SOX6: variants seen among roughly 807,000 people sequenced by gnomAD.
SOX6 encodes transcription factor SOX-6.
In SOX6, 11 loss-of-function variants were observed where a neutral mutation model predicts 97.8. The observed-to-expected ratio is 0.11, with a 90% CI of 0.07 to 0.19. SOX6 has a LOEUF of 0.19. Among genes scored for constraint, SOX6 ranks in the 10% least tolerant of loss-of-function variants. The pLI, the probability that SOX6 is intolerant of heterozygous loss-of-function variation, is 1.00. For synonymous variants in SOX6, 360 were observed against 371.4 expected (o/e 0.97, Z 0.35); for missense variants, 810 against 1,039.5 (o/e 0.78, Z 3.04).
chr11:16,129,941 C>T (rs1252453925), intron 6 of SOX6, among the ~76,000 whole-genome samples: 1 of 151,922 alleles, frequency 6.6e-6, no homozygotes, highest in Non-Finnish European at 1.5e-5. Context: ...CAATATTGTA[C>T]TGGATTTCCT....
intron 3 of SOX6, among the ~76,000 whole-genome samples, chr11:16,653,136 C>T (rs897984652): frequency 2.6e-5 from 4 of 152,082 alleles, no homozygotes; most frequent in Admixed American, 2.6e-4. Flanking sequence ...GGCATGGATG[C>T]AGTGAAAAGG....
At position 16,234,679 on chromosome 11, in the gene SOX6, AATAC is replaced by A. The variant is rs547393117; in HGVS notation, c.446-12_446-9del. Reference sequence around the variant, plus strand: ...TTTCCATGCAGGAGGAATCTATTAAAATACAAAAGTAAGTATTAAAAATATATAT... The same window carrying A: ...TTTCCATGCAGGAGGAATCTATTAAAAAAAGTAAGTATTAAAAATATATAT... On this transcript the variant is annotated splice_polypyrimidine_tract_variant and intron_variant, in intron 3 of 15. Transcript: ENST00000683767. The A allele has an allele frequency of 2.8e-6, 4 of 1,449,852 alleles. No individual in the cohort carries two copies. In the South Asian group the frequency reaches 4.9e-5, roughly 18 times the overall value. 89.8% of individuals were successfully genotyped at this position (1,449,852 alleles called of 1,614,324 possible).
chr11:16,339,656 A>C (rs1314465908), intron 2 of SOX6, among the ~76,000 whole-genome samples: 42 of 152,010 alleles, frequency 2.8e-4, no homozygotes, highest in Non-Finnish European at 2.9e-5. Flanking sequence ...CCTCTCCCAG[A>C]CTATAAACTC....
intron 9 of SOX6, among the ~76,000 whole-genome samples, chr11:16,068,553 T>C (rs151120907): frequency 6.6e-6 from 1 of 152,180 alleles, no homozygotes; most frequent in South Asian, 2.1e-4. Context: ...GCATAGAAGG[T>C]ACTTGTTCAA....
chr11:16,498,733 A>G (rs1009149191), intron 4 of SOX6, among the ~76,000 whole-genome samples: 1 of 152,170 alleles, frequency 6.6e-6, no homozygotes, highest in East Asian at 1.9e-4. Flanking sequence ...TAATGGTAAA[A>G]GGATCAATTC....
At chr11:16,132,013 A>C (rs1849752175) in intron 6 of SOX6, among the ~76,000 whole-genome samples, 1 of 151,882 alleles carries the variant, frequency 6.6e-6, no homozygotes, top group African/African-American at 2.4e-5. Context: ...AAAATGGATG[A>C]ATTATTGTGT....
At chr11:16,702,830 A>AT (rs1848104757) in intron 3 of SOX6, among the ~76,000 whole-genome samples, 1 of 151,830 alleles carries the variant, frequency 6.6e-6, no homozygotes, top group Admixed American at 6.6e-5. Context: ...GGAAAGAAAA[A>AT]TCCTGAATAT....
intron 9 of SOX6, among the ~76,000 whole-genome samples, chr11:16,093,752 G>A (rs192283230): frequency 1.3e-5 from 2 of 151,886 alleles, no homozygotes; most frequent in Admixed American, 6.6e-5. Flanking sequence ...GCTTATCAAA[G>A]GAGGGGAGAA....
chr11:16,636,760 T>C (rs1848796595), intron 3 of SOX6, among the ~76,000 whole-genome samples: 1 of 152,164 alleles, frequency 6.6e-6, no homozygotes, highest in East Asian at 1.9e-4. Context: ...GTTCTCATGA[T>C]AGTGAATTCT....
chr11:16,233,557 G>A (rs1233599093), intron 4 of SOX6, among the ~76,000 whole-genome samples: 1 of 152,042 alleles, frequency 6.6e-6, no homozygotes, highest in Non-Finnish European at 1.5e-5. Flanking sequence ...TTATCAACAT[G>A]GGATCGTCTG....
At chr11:15,981,749 T>C (rs1217826787) in intron 15 of SOX6, among the ~76,000 whole-genome samples, 2 of 152,084 alleles carry the variant, frequency 1.3e-5, no homozygotes, top group African/African-American at 2.4e-5. Context: ...ATGCAAATGT[T>C]CAAATCACTT....
chr11:16,638,575 C>A (rs1034915897), intron 3 of SOX6, among the ~76,000 whole-genome samples: 5 of 152,308 alleles, frequency 3.3e-5, no homozygotes, highest in African/African-American at 9.6e-5. Context: ...TCCTCTCCAG[C>A]ACCTGTTGTT....
At chr11:16,248,956 C>A (rs940268601) in intron 3 of SOX6, among the ~76,000 whole-genome samples, 7 of 152,046 alleles carry the variant, frequency 4.6e-5, no homozygotes, top group Admixed American at 1.3e-4. Flanking sequence ...AGAAAATTAG[C>A]TGGGCATGGT....
chr11:16,482,482 T>C (rs1860360686), intron 4 of SOX6, among the ~76,000 whole-genome samples: 1 of 152,182 alleles, frequency 6.6e-6, no homozygotes, highest in Non-Finnish European at 1.5e-5. Context: ...CGATCATGAT[T>C]GTGGTGGTGG....
intron 3 of SOX6, among the ~76,000 whole-genome samples, chr11:16,263,700 G>C (rs1180484083): frequency 6.6e-6 from 1 of 151,762 alleles, no homozygotes; most frequent in African/African-American, 2.4e-5. Context: ...AAATTGTTTT[G>C]GGGTGTTCAT....
intron 4 of SOX6, among the ~76,000 whole-genome samples, chr11:16,482,188 T>C (rs1260758812): frequency 6.6e-6 from 1 of 152,188 alleles, no homozygotes; most frequent in Non-Finnish European, 1.5e-5. Flanking sequence ...TTATATTATA[T>C]CAAAATTTGA....
chr11:16,391,871 A>T (rs980956043), intron 1 of SOX6, among the ~76,000 whole-genome samples: 1 of 152,034 alleles, frequency 6.6e-6, no homozygotes, highest in Non-Finnish European at 1.5e-5. Context: ...AATTTTCTAT[A>T]CTGATTTTAT....
intron 4 of SOX6, among the ~76,000 whole-genome samples, chr11:16,558,562 A>T (rs1303020316): frequency 6.6e-6 from 1 of 152,040 alleles, no homozygotes; most frequent in Non-Finnish European, 1.5e-5. Flanking sequence ...TACCCAAAGC[A>T]GAAACTTAAT....
At chr11:16,181,816 T>C (rs574546418) in intron 6 of SOX6, among the ~76,000 whole-genome samples, 2 of 151,778 alleles carry the variant, frequency 1.3e-5, no homozygotes, top group South Asian at 4.1e-4. Context: ...ACAAAGAATC[T>C]TATATTTCTA....
Sources: allele counts gnomAD v4.1 joint callset (sites outside exome capture counted in the v4.1 genomes callset), GRCh38; gene constraint gnomAD v4.1.1; transcripts MANE v1.5; gene names NCBI Gene and HGNC (gene_info 2026-07-23, HGNC 2026-07-21).